Variants in GRHL3 observed in about 807,000 individuals in gnomAD.
The protein encoded by GRHL3 is grainyhead-like protein 3 homolog.
GRHL3 carries 20 observed loss-of-function variants against 70.3 expected under a neutral mutation model. The ratio of observed to expected loss-of-function variants is 0.28; its 90% CI spans 0.20 to 0.41. The LOEUF is 0.41. Ranked by LOEUF, GRHL3 falls within the 10% of genes least tolerant of loss-of-function variation. GRHL3 has a pLI of 1.00. For missense variants in GRHL3, 637 were observed against 762.3 expected (o/e 0.84, Z 1.94); for synonymous variants, 299 against 299.9 (o/e 1.00, Z 0.03).
At chr1:24,344,485 G>GAAAAAA (rs57193515) in intron 11 of GRHL3, among the ~76,000 whole-genome samples, 1 of 55,778 alleles carries the variant, frequency 1.8e-5, no homozygotes, top group Non-Finnish European at 3.2e-5. Flanking sequence ...TTTCCCCCCA[G>GAAAAAA]AAAAAAAAAA....
chr1:24,363,047 T>G (rs1641224319), intron 15 of GRHL3, among the ~76,000 whole-genome samples: 1 of 152,222 alleles, frequency 6.6e-6, no homozygotes, highest in Non-Finnish European at 1.5e-5. Context: ...GTTTGATTCC[T>G]GGAAATTACA....
At chr1:24,324,126 T>C (rs1167741560) in intron 1 of GRHL3, among the ~76,000 whole-genome samples, 2 of 152,026 alleles carry the variant, frequency 1.3e-5, no homozygotes, top group Non-Finnish European at 2.9e-5. Flanking sequence ...AGTTGAACAA[T>C]AGATGGGGGG....
Position 24,319,404 on chromosome 1 carries a change from G to A in GRHL3, c.-148G>A. Reference sequence around the variant, plus strand: ...AGCCAATCAGCGCCAGCGCTGCTGGGAACCTACCTGTCAGCAAAATCTCGA... The same window carrying A: ...AGCCAATCAGCGCCAGCGCTGCTGGAAACCTACCTGTCAGCAAAATCTCGA... On this transcript the variant is annotated 5_prime_UTR_variant, in exon 1 of 16. Coordinates refer to ENST00000361548, the MANE Select transcript of GRHL3 (RefSeq NM_198173.3). 4.7e-6 allele frequency: 4 copies of A among 847,584 alleles called. No homozygotes were observed. Among genetic ancestry groups the A allele is most frequent in the Non-Finnish European group, 6.0e-6 (3 of 497,402 alleles). The allele number at this position is 847,584 out of a possible 1,614,324, so 52.5% of individuals were successfully genotyped here.
intron 1 of GRHL3, 64 bp from the exon 2 acceptor site, chr1:24,331,362 G>A (rs994096394): frequency 1.1e-5 from 16 of 1,442,642 alleles, no homozygotes; most frequent in African/African-American, 5.7e-5. Flanking sequence ...GTTGGCCTGC[G>A]GCTGCCCATT....
At position 24,342,065 on chromosome 1, in the gene GRHL3, G is replaced by A. The variant is rs748638464; in HGVS notation, c.1048-50G>A. On this transcript the variant is annotated intron_variant, in intron 8 of 15. Coordinates refer to ENST00000361548, the MANE Select transcript of GRHL3 (RefSeq NM_198173.3). This position sits in a 1 kb window ranked among gnomAD's most constrained non-coding sequence, Gnocchi z 4.8. ...ATACAGGATCACTGTGGGACGGTGGGGCTGGCCACCTGGGCAGGCCACTTA... is the reference window on the plus strand; with the variant it reads ...ATACAGGATCACTGTGGGACGGTGGAGCTGGCCACCTGGGCAGGCCACTTA... The A allele has an allele frequency of 2.0e-6, 3 of 1,502,094 alleles. No individual in the cohort carries two copies. In the East Asian group the frequency reaches 6.9e-5, roughly 35 times the overall value. The allele number at this position is 1,502,094 out of a possible 1,614,324, so 93.0% of individuals were successfully genotyped here.
At chr1:24,330,122 C>T (rs914620307) in intron 1 of GRHL3, among the ~76,000 whole-genome samples, 3 of 152,150 alleles carry the variant, frequency 2.0e-5, no homozygotes, top group Non-Finnish European at 2.9e-5. Flanking sequence ...TTATAGAGTA[C>T]AGTGTGAGAT....
In GRHL3 at chr1:24,322,978, C is replaced by A; in HGVS notation, c.17+3410C>A. ...GGAAGCACTGGGATCTTAACCGGGT[C>A]TTAGCCGAGCAGCCATAGGCCACCC... is the stretch of plus-strand genomic sequence containing the variant. On this transcript the variant is annotated intron_variant, in intron 1 of 15. Transcript: ENST00000361548. The surrounding 1 kb of genome is among the most constrained non-coding windows in gnomAD (Gnocchi z 4.4). The A allele has an allele frequency of 9.8e-7, 1 of 1,015,360 alleles. No homozygotes were observed. Among genetic ancestry groups the A allele is most frequent in the Non-Finnish European group, 1.5e-6 (1 of 669,960 alleles). The allele number at this position is 1,015,360 out of a possible 1,614,324, so 62.9% of individuals were successfully genotyped here. A position where few individuals can be genotyped will look rare whatever the true frequency, so the allele number is the denominator to read the frequency against.
At chr1:24,345,024 CCCCCTCT>C (rs1569905753) in intron 12 of GRHL3, 93 bp downstream of exon 12, 23 of 1,127,248 alleles carry the variant, frequency 2.0e-5, no homozygotes, top group African/African-American at 1.2e-4. Context: ...CACACCTGTG[CCCCCTCT>C]ACACCTGTGC....
rs1486197604 is a variant in GRHL3, at chr1:24,342,710, T to C, written c.1223T>C (p.Met408Thr). 4.3e-6 allele frequency: 7 copies of C among 1,614,084 alleles called. No individual in the cohort carries two copies. Among genetic ancestry groups the C allele is most frequent in the African/African-American group, 1.3e-5 (1 of 74,932 alleles). The stretch of plus-strand genomic sequence containing the variant: ...CCCCTGCAGGGAGCTGAGAGGAAGA[T>C]GCGCGATGACGAGCGGAAGCAGTTC... ...IFCDKGAERK[M>T]RDDERKQFRR... The change falls in exon 10 of 16, where the codon ATG becomes ACG. Residue 408 changes from methionine to threonine, a missense_variant. Met to Thr is a moderately conservative substitution (Grantham distance 81, BLOSUM62 -1). Around this residue, in one of 2 missense-constraint regions of GRHL3, gnomAD observed 387 missense variants for 513.8 expected, o/e 0.75. Coordinates refer to ENST00000361548, the MANE Select transcript of GRHL3 (RefSeq NM_198173.3). The surrounding 1 kb of genome is among the most constrained non-coding windows in gnomAD (Gnocchi z 4.8).
chr1:24,339,758 C>A lies in GRHL3; in HGVS notation c.1043C>A (p.Ala348Asp), dbSNP rs761910382. Residue 348 changes from alanine (A) to aspartate (D), a missense_variant, in exon 8 of 16, where the codon GCC (alanine) becomes GAC (aspartate). Around this residue, in one of 2 missense-constraint regions of GRHL3, gnomAD observed 387 missense variants for 513.8 expected, o/e 0.75. Coordinates refer to ENST00000361548, the MANE Select transcript of GRHL3 (RefSeq NM_198173.3). Reference protein sequence around the residue: ...LSFVWNVNEEAKVFIGVNCLS... With the variant: ...LSFVWNVNEEDKVFIGVNCLS... ...TTTGTGTGGAACGTGAATGAAGAGG[C>A]CAAGGTCAGTGCTGAGGGCAGTGGC... is the stretch of plus-strand genomic sequence containing the variant. The A allele has an allele frequency of 1.2e-6, 2 of 1,608,346 alleles. No homozygotes were observed. The highest frequency in any genetic ancestry group is 1.7e-6 in the Non-Finnish European group (2 of 1,175,520).
chr1:24,358,460 C>T (rs781396424), downstream of GRHL3: 99 of 1,179,608 alleles, frequency 8.4e-5, no homozygotes, highest in East Asian at 1.2e-4. Context: ...CACTCATGAT[C>T]GGTCTCCTCC....
intron 1 of GRHL3, among the ~76,000 whole-genome samples, chr1:24,327,414 C>T (rs1639437165): frequency 6.6e-6 from 1 of 152,182 alleles, no homozygotes; most frequent in Non-Finnish European, 1.5e-5. Context: ...ACATAGAAGA[C>T]ACTCAATAGA....
chr1:24,342,608 C>A lies in GRHL3; in HGVS notation c.1207-86C>A. 1 of 1,216,754 alleles carries A rather than the reference C, an allele frequency of 8.2e-7. No homozygotes were observed. The highest frequency in any genetic ancestry group is 1.2e-6 in the Non-Finnish European group (1 of 821,198). 75.4% of individuals were successfully genotyped at this position (1,216,754 alleles called of 1,614,324 possible). A position where few individuals can be genotyped will look rare whatever the true frequency, so the allele number is the denominator to read the frequency against. On this transcript the variant is annotated intron_variant, in intron 9 of 15. Coordinates refer to ENST00000361548, the MANE Select transcript of GRHL3 (RefSeq NM_198173.3). The surrounding 1 kb of genome is among the most constrained non-coding windows in gnomAD (Gnocchi z 4.8). ...GAAAAAAGAAGGACCAGAAGCTTGG[C>A]CCATATTTAAGATGCAAAGCAGCAG... is the stretch of plus-strand genomic sequence containing the variant.
At chr1:24,338,573 C>T (rs1017619883) in intron 7 of GRHL3, among the ~76,000 whole-genome samples, 1 of 152,242 alleles carries the variant, frequency 6.6e-6, no homozygotes, top group Non-Finnish European at 1.5e-5. Context: ...GGCTCCCTTA[C>T]TCCCTTCCTG....
At chr1:24,363,489 C>T (rs1641255294) in intron 15 of GRHL3, among the ~76,000 whole-genome samples, 1 of 152,314 alleles carries the variant, frequency 6.6e-6, no homozygotes, top group Admixed American at 6.5e-5. Flanking sequence ...TCAGACAGAG[C>T]TGGGTTTGAA....
At chr1:24,331,134 G>T (rs1441220575) in intron 1 of GRHL3, among the ~76,000 whole-genome samples, 1 of 152,232 alleles carries the variant, frequency 6.6e-6, no homozygotes, top group African/African-American at 2.4e-5. Context: ...CACTATGAAA[G>T]TATTTTATTG....
At chr1:24,341,481 C>T (rs952233982) in intron 8 of GRHL3, among the ~76,000 whole-genome samples, 11 of 152,182 alleles carry the variant, frequency 7.2e-5, no homozygotes, top group Admixed American at 2.0e-4. Context: ...CGCCTGACTC[C>T]CTAGGGGAAC....
chr1:24,338,405 G>A lies in GRHL3; in HGVS notation c.952+302G>A, dbSNP rs138716035. On this transcript the variant is annotated intron_variant, in intron 7 of 15. Coordinates refer to ENST00000361548, the MANE Select transcript of GRHL3 (RefSeq NM_198173.3). ...ATGAAGACACAAATGCACAAGATAA[G>A]GTGCAGGCAGCAGGTTCGGAAGGCC... Among the ~76,000 whole-genome samples the A allele has an allele frequency of 6.4e-4, 98 of 152,336 alleles. 1 individual carries two copies. The highest frequency in any genetic ancestry group is 1.7e-3 in the East Asian group (9 of 5,184).
Position 24,336,743 on chromosome 1 carries a change from C to G in GRHL3, c.528C>G (p.Leu176=). The G allele has an allele frequency of 1.2e-6, 2 of 1,614,120 alleles. No homozygotes were observed. The highest frequency in any genetic ancestry group is 1.7e-6 in the Non-Finnish European group (2 of 1,180,004). The change falls in exon 4 of 16, where the codon CTC becomes CTG. Residue 176 remains leucine, a synonymous_variant. Coordinates refer to ENST00000361548, the MANE Select transcript of GRHL3 (RefSeq NM_198173.3). ...CTGATATGTATGATAATGGCTCCCT[C>G]AACTCCTTGTTTGAGAGCATTCATG... The part of the protein sequence containing the change: ...PTTDMYDNGS[L]NSLFESIHGV...
Sources: gnomAD v4.1 joint callset for allele counts (sites outside exome capture counted in the v4.1 genomes callset) on GRCh38, gnomAD v4.1.1 for gene constraint, gnomAD v4.1.1 regional missense constraint, Gnocchi (gnomAD v3.1) non-coding constraint, MANE v1.5 for transcripts, NCBI Gene and HGNC (gene_info 2026-07-23, HGNC 2026-07-21) for gene names.